Variants in GREB1L observed in about 807,000 individuals in gnomAD.
The protein encoded by GREB1L is GREB1 like retinoic acid receptor coactivator, also known as GREB1-like protein.
Under a neutral mutation model 200.8 loss-of-function variants are expected in GREB1L, and 17 were observed. The observed-to-expected ratio is 0.08, with a 90% CI of 0.06 to 0.13. GREB1L has a LOEUF of 0.13. GREB1L is among the 10% of genes least tolerant of loss of function. The probability of loss-of-function intolerance (pLI) is 1.00; values close to 1 mark genes in which losing one functional copy is unlikely to be tolerated. For missense variants in GREB1L, 1,657 were observed against 2,367.7 expected (o/e 0.70, Z 6.23); for synonymous variants, 789 against 893.0 (o/e 0.88, Z 2.08).
At position 21,524,285 on chromosome 18, in the gene GREB1L, T is replaced by C. The variant is rs1335281676; in HGVS notation, c.*1464T>C. 6.6e-6 allele frequency: 1 copy of C among 152,162 alleles called. No homozygotes were observed. The highest frequency in any genetic ancestry group is 2.4e-5 in the African/African-American group (1 of 41,454). 9.4% of individuals were successfully genotyped at this position (152,162 alleles called of 1,614,324 possible). On this transcript the variant is annotated 3_prime_UTR_variant, in exon 33 of 33. Transcript: ENST00000424526. ...GACAACAAGGAGTTTACAAAGCTAGTGAAAAAATGGAATGTATTAGACTAA... is the reference window on the plus strand; with the variant it reads ...GACAACAAGGAGTTTACAAAGCTAGCGAAAAAATGGAATGTATTAGACTAA...
chr18:21,452,097 A>G lies in GREB1L; in HGVS notation c.1864A>G (p.Lys622Glu). ...KTTSLGDDLD[K>E]LLEKMQQRRG... is the part of the protein sequence containing the mutation. ...TTTTGTAATAGGCGATGACCTAGACAAGCTGCTGGAAAAAATGCAACAAAG... is the reference window on the plus strand; with the variant it reads ...TTTTGTAATAGGCGATGACCTAGACGAGCTGCTGGAAAAAATGCAACAAAG... The change falls in exon 14 of 33, where the codon AAG becomes GAG. Residue 622 changes from lysine to glutamate, a missense_variant. Around this residue, in one of 9 missense-constraint regions of GREB1L, gnomAD observed 239 missense variants for 421.8 expected, o/e 0.57. Coordinates refer to ENST00000424526, the MANE Select transcript of GREB1L (RefSeq NM_001142966.3). 6.4e-7 allele frequency: 1 copy of G among 1,552,252 alleles called. No individual in the cohort carries two copies. The highest frequency in any genetic ancestry group is 1.4e-5 in the African/African-American group (1 of 73,178).
chr18:21,313,164 A>C (rs1289672754), intron 1 of GREB1L, among the ~76,000 whole-genome samples: 2 of 151,186 alleles, frequency 1.3e-5, no homozygotes, highest in Non-Finnish European at 3.0e-5. Context: ...TATTTTTTAA[A>C]ATATTAAAAA....
At chr18:21,296,051 T>G (rs1186929220) in intron 1 of GREB1L, among the ~76,000 whole-genome samples, 3 of 152,152 alleles carry the variant, frequency 2.0e-5, no homozygotes, top group African/African-American at 7.2e-5. Flanking sequence ...AGAACTACAA[T>G]TTGACCTAGG....
intron 1 of GREB1L, chr18:21,317,574 G>A (rs2038890817): frequency 6.6e-6 from 1 of 152,252 alleles, no homozygotes; most frequent in African/African-American, 2.4e-5. Flanking sequence ...CTGCACTCCA[G>A]CCTGGGCAAC....
chr18:21,393,986 C>T (rs1163927317), intron 4 of GREB1L, among the ~76,000 whole-genome samples: 1 of 152,140 alleles, frequency 6.6e-6, no homozygotes, highest in Admixed American at 6.5e-5. Flanking sequence ...GGTTTCATGG[C>T]CAGACCTTGG....
chr18:21,260,776 G>A (rs1232984218), intron 1 of GREB1L, among the ~76,000 whole-genome samples: 2 of 151,800 alleles, frequency 1.3e-5, no homozygotes, highest in East Asian at 1.9e-4. Context: ...AATGTGTGTG[G>A]GGTGGTTATG....
At chr18:21,426,558 G>C (rs1467071336) in intron 7 of GREB1L, among the ~76,000 whole-genome samples, 5 of 152,136 alleles carry the variant, frequency 3.3e-5, no homozygotes, top group African/African-American at 1.2e-4. Context: ...TCCTTGATCT[G>C]TATGTCTGTC....
intron 1 of GREB1L, among the ~76,000 whole-genome samples, chr18:21,251,946 A>G (rs1450850412): frequency 2.1e-5 from 3 of 141,564 alleles, no homozygotes; most frequent in Non-Finnish European, 4.8e-5. Flanking sequence ...CTCCATCTCA[A>G]AAAAAAAAAA....
intron 4 of GREB1L, among the ~76,000 whole-genome samples, chr18:21,393,849 A>G (rs1160651051): frequency 3.9e-5 from 6 of 152,196 alleles, no homozygotes. Flanking sequence ...GGTGTGAGCC[A>G]CTGCGCCCGG....
intron 7 of GREB1L, among the ~76,000 whole-genome samples, chr18:21,430,919 A>C (rs1266088577): frequency 6.6e-6 from 1 of 150,780 alleles, no homozygotes; most frequent in Non-Finnish European, 1.5e-5. Flanking sequence ...ATAGGCATTT[A>C]CAGCTATAAA....
intron 7 of GREB1L, among the ~76,000 whole-genome samples, chr18:21,425,728 A>G (rs982464661): frequency 1.3e-5 from 2 of 152,084 alleles, no homozygotes; most frequent in Non-Finnish European, 2.9e-5. Context: ...TCAATTTTTC[A>G]GTTGGGTTGA....
intron 7 of GREB1L, among the ~76,000 whole-genome samples, chr18:21,407,542 C>T (rs1179331238): frequency 6.6e-6 from 1 of 152,124 alleles, no homozygotes; most frequent in Non-Finnish European, 1.5e-5. Flanking sequence ...GTTTTCTCAT[C>T]AGTGAATTGC....
chr18:21,373,494 C>T (rs745712501), intron 2 of GREB1L, among the ~76,000 whole-genome samples: 51 of 152,066 alleles, frequency 3.4e-4, no homozygotes, highest in Middle Eastern at 3.2e-3. Flanking sequence ...CCACCGTGCC[C>T]AGCTAATTTT....
chr18:21,520,595 A>C, intron 31 of GREB1L, 93 bp from the exon 32 acceptor site: 6 of 1,349,044 alleles, frequency 4.4e-6, no homozygotes, highest in Non-Finnish European at 6.2e-6. Flanking sequence ...ATCCTGAAAT[A>C]GAGAAAAAGG....
In GREB1L at chr18:21,395,441, G is replaced by A; in HGVS notation, c.412G>A (p.Asp138Asn). 1 of 1,551,198 alleles carries A rather than the reference G, an allele frequency of 6.4e-7. No homozygotes were observed. The highest frequency in any genetic ancestry group is 8.7e-7 in the Non-Finnish European group (1 of 1,146,736). The change falls in exon 5 of 33, where the codon GAC (aspartate) becomes AAC (asparagine). Residue 138 changes from aspartate (D) to asparagine (N), a missense_variant. This residue lies in a region of GREB1L where 70 missense variants were observed against 151.3 expected (regional missense o/e 0.46). Transcript: ENST00000424526. ...RLVSLCMEQI[D>N]IPAGFLLVGA... The stretch of plus-strand genomic sequence containing the variant: ...GGTATCACTGTGTATGGAACAAATT[G>A]ACATCCCAGCAGGATTCCTCCTGGT...
chr18:21,251,714 A>G (rs531192528), intron 1 of GREB1L, among the ~76,000 whole-genome samples: 1 of 152,350 alleles, frequency 6.6e-6, no homozygotes, highest in East Asian at 1.9e-4. Context: ...TGGAAGGCCA[A>G]GGTGGGCAGA....
At chr18:21,504,733 G>T (rs957670099) in intron 23 of GREB1L, among the ~76,000 whole-genome samples, 3 of 152,180 alleles carry the variant, frequency 2.0e-5, no homozygotes, top group Admixed American at 2.0e-4. Context: ...GGAGGCTGAG[G>T]TGGGAGGATC....
chr18:21,456,924 G>T (rs1441146222), intron 15 of GREB1L, among the ~76,000 whole-genome samples: 2 of 152,040 alleles, frequency 1.3e-5, no homozygotes, highest in African/African-American at 2.4e-5. Context: ...ATGGAGGAAG[G>T]GCCTTGTCTT....
intron 25 of GREB1L, among the ~76,000 whole-genome samples, chr18:21,506,159 C>T (rs2037009058): frequency 2.6e-5 from 4 of 151,996 alleles, no homozygotes; most frequent in Admixed American, 6.6e-5. Flanking sequence ...TGTGGGAGGC[C>T]GAGGCGGGTG....
Sources: allele counts gnomAD v4.1 joint callset (sites outside exome capture counted in the v4.1 genomes callset), GRCh38; gene constraint gnomAD v4.1.1; regional missense constraint gnomAD v4.1.1; transcripts MANE v1.5; gene names NCBI Gene and HGNC (gene_info 2026-07-23, HGNC 2026-07-21).